Variants in CRISPLD2 observed in about 807,000 individuals in gnomAD.
CRISPLD2 encodes the protein cysteine-rich secretory protein LCCL domain-containing 2.
Under a neutral mutation model 71.1 loss-of-function variants are expected in CRISPLD2, and 47 were observed. The ratio of observed to expected loss-of-function variants is 0.66; its 90% confidence interval spans 0.52 to 0.84. The LOEUF (loss-of-function observed/expected upper bound fraction) is 0.84, where lower values mean the gene tolerates loss of function less well. Among genes scored for constraint, CRISPLD2 ranks in the 40% least tolerant of loss-of-function variants. CRISPLD2 has a pLI of 0.00. For missense variants in CRISPLD2, 830 were observed against 651.1 expected (o/e 1.27, Z -2.99); for synonymous variants, 317 against 250.1 (o/e 1.27, Z -2.52).
rs940747597 is a variant in CRISPLD2 at position 84,850,247 on chromosome 16, C to T, written c.493-321C>T. Among the ~76,000 whole-genome samples, 13 of 152,114 alleles carry T rather than the reference C, an allele frequency of 8.5e-5. No homozygotes were observed. In the South Asian group the frequency reaches 1.7e-3, roughly 19 times the overall value. On this transcript the variant is annotated intron_variant, in intron 4 of 14. Transcript: ENST00000262424. The stretch of plus-strand genomic sequence containing the variant: ...CTGGGACTATAGGTGCCTGCCACCA[C>T]GCCCGGCTAATTTTTGTTTTTTTAG...
chr16:84,825,999 C>G (rs574560978), intron 1 of CRISPLD2, among the ~76,000 whole-genome samples: 1 of 151,426 alleles, frequency 6.6e-6, no homozygotes, highest in East Asian at 1.9e-4. Context: ...CACCTGAGGA[C>G]TCATAGAAAT....
intron 14 of CRISPLD2, among the ~76,000 whole-genome samples, chr16:84,906,105 T>G (rs1208673914): frequency 1.3e-5 from 2 of 152,204 alleles, no homozygotes; most frequent in East Asian, 3.9e-4. Context: ...TGGGTAAATC[T>G]CTTTATTTCC....
At chr16:84,853,404 A>C (rs1242594504) in intron 5 of CRISPLD2, among the ~76,000 whole-genome samples, 1 of 152,156 alleles carries the variant, frequency 6.6e-6, no homozygotes, top group Non-Finnish European at 1.5e-5. Flanking sequence ...GTGGCATGGC[A>C]CGGACGCGAT....
At position 84,907,184 on chromosome 16, in the gene CRISPLD2, A is replaced by G. The variant is rs1046131145; in HGVS notation, c.*542A>G. On this transcript the variant is annotated 3_prime_UTR_variant, in exon 15 of 15. Transcript: ENST00000262424. ...TTTAATGTTTGCTGGTCAGACAGACAAATGGGCTAGAGTAAGAGGGCTGCG... is the reference window on the plus strand; with the variant it reads ...TTTAATGTTTGCTGGTCAGACAGACGAATGGGCTAGAGTAAGAGGGCTGCG... 5.9e-6 allele frequency: 1 copy of G among 170,740 alleles called. No homozygotes were observed. Among genetic ancestry groups the G allele is most frequent in the African/African-American group, 2.4e-5 (1 of 41,692 alleles). 10.6% of individuals were successfully genotyped at this position (170,740 alleles called of 1,614,324 possible).
chr16:84,898,087 A>G (rs557504510), intron 14 of CRISPLD2, among the ~76,000 whole-genome samples: 28 of 152,280 alleles, frequency 1.8e-4, no homozygotes, highest in Non-Finnish European at 2.6e-4. Context: ...TGACACTCAG[A>G]TCGTTTCCTT....
intron 14 of CRISPLD2, among the ~76,000 whole-genome samples, chr16:84,905,242 T>G (rs2934469): frequency 0.49 from 73,878 of 152,032 alleles, 18,806 homozygotes; most frequent in African/African-American, 0.64. Flanking sequence ...ACTCTGGCCT[T>G]GGTGACAGAC....
In CRISPLD2 at chr16:84,906,804, C is replaced by T. The variant is rs755355892; in HGVS notation, c.*162C>T. ...GCCTGTGGGTGAGGTGACATCTCAT[C>T]CCCTCACTGAAGCAACAGCATCCCA... On this transcript the variant is annotated 3_prime_UTR_variant, in exon 15 of 15. Coordinates refer to ENST00000262424, the MANE Select transcript of CRISPLD2 (RefSeq NM_031476.4). 2 of 816,278 alleles carry T rather than the reference C, an allele frequency of 2.5e-6. No homozygotes were observed. Among genetic ancestry groups the T allele is most frequent in the Admixed American group, 4.0e-5 (2 of 49,632 alleles). 50.6% of individuals were successfully genotyped at this position (816,278 alleles called of 1,614,324 possible).
intron 13 of CRISPLD2, among the ~76,000 whole-genome samples, chr16:84,886,947 C>G (rs774207): frequency 6.6e-6 from 1 of 152,070 alleles, no homozygotes; most frequent in Admixed American, 6.5e-5. Context: ...ATCTGAAACC[C>G]TGTACCCACT....
At chr16:84,873,373 A>T (rs549601932) in intron 10 of CRISPLD2, 9 of 276,254 alleles carry the variant, frequency 3.3e-5, no homozygotes, top group African/African-American at 2.0e-4. Flanking sequence ...AGCTACTCTC[A>T]GGAGGCTACG....
chr16:84,897,021 C>G (rs1040286726), intron 14 of CRISPLD2, among the ~76,000 whole-genome samples: 1 of 152,156 alleles, frequency 6.6e-6, no homozygotes, highest in African/African-American at 2.4e-5. Flanking sequence ...AGGTCACTTT[C>G]AAGGCAATTG....
Position 84,866,698 on chromosome 16 carries a change from G to A in CRISPLD2, c.710-199G>A, listed in dbSNP as rs774191. ...AAAGCAAACACAGTGAGCGGAGAGC[G>A]TCCCCGTCTCATCTGGGCTGGTAGA... is the stretch of plus-strand genomic sequence containing the variant. On this transcript the variant is annotated intron_variant, in intron 6 of 14. Transcript: ENST00000262424. 7.0e-3 allele frequency among the ~76,000 whole-genome samples: 1,063 copies of A among 152,264 alleles called. 14 individuals are homozygous for A. Among genetic ancestry groups the A allele is most frequent in the African/African-American group, 0.023 (971 of 41,556 alleles).
intron 13 of CRISPLD2, among the ~76,000 whole-genome samples, chr16:84,883,398 A>C (rs1156396096): frequency 6.6e-6 from 1 of 152,196 alleles, no homozygotes; most frequent in Non-Finnish European, 1.5e-5. Context: ...AGACAGAAGC[A>C]TCGGGGTGTG....
intron 7 of CRISPLD2, among the ~76,000 whole-genome samples, chr16:84,868,294 G>T (rs542198988): frequency 6.6e-6 from 1 of 152,144 alleles, no homozygotes; most frequent in Non-Finnish European, 1.5e-5. Flanking sequence ...AACATACAAC[G>T]TTTATGTCCC....
intron 1 of CRISPLD2, among the ~76,000 whole-genome samples, chr16:84,820,836 G>A (rs537830667): frequency 6.6e-6 from 1 of 152,256 alleles, no homozygotes; most frequent in East Asian, 1.9e-4. Context: ...TAACTCCTGC[G>A]TGGGGAGAGT....
rs1321038022 is a variant in CRISPLD2, at chr16:84,897,753, A to G, written c.1439+8390A>G. ...TGCCTCAGCCTCCCAAGTAGCTGGG[A>G]TTACAGGCACCCACTGCCAGGCCCG... is the stretch of plus-strand genomic sequence containing the variant. On this transcript the variant is annotated intron_variant, in intron 14 of 14. Transcript: ENST00000262424. Among the ~76,000 whole-genome samples the G allele has an allele frequency of 2.6e-5, 4 of 152,120 alleles. No homozygotes were observed. In the East Asian group the frequency reaches 7.7e-4, roughly 29 times the overall value.
intron 8 of CRISPLD2, 40 bp downstream of exon 8, chr16:84,868,951 A>G (rs549424946): frequency 6.7e-7 from 1 of 1,492,010 alleles, no homozygotes; most frequent in Non-Finnish European, 9.2e-7. Context: ...GTAGCCTCTG[A>G]GTCTGTGCTG....
chr16:84,865,414 C>T (rs1313733022), intron 6 of CRISPLD2, among the ~76,000 whole-genome samples: 1 of 152,238 alleles, frequency 6.6e-6, no homozygotes, highest in East Asian at 1.9e-4. Context: ...CCTCGGCTTC[C>T]CAAAGTGCTG....
At chr16:84,830,728 A>T (rs1916468087) in intron 1 of CRISPLD2, among the ~76,000 whole-genome samples, 1 of 151,922 alleles carries the variant, frequency 6.6e-6, no homozygotes, top group Admixed American at 6.6e-5. Context: ...AAAAAGTCAT[A>T]TTTAAAAAGA....
chr16:84,835,303 T>C (rs1222385411), intron 1 of CRISPLD2, among the ~76,000 whole-genome samples: 1 of 152,170 alleles, frequency 6.6e-6, no homozygotes, highest in African/African-American at 2.4e-5. Flanking sequence ...TTGGCCAGGC[T>C]GGTGTCGAAC....
Sources: gnomAD v4.1 joint callset for allele counts (sites outside exome capture counted in the v4.1 genomes callset) on GRCh38, gnomAD v4.1.1 for gene constraint, MANE v1.5 for transcripts, NCBI Gene and HGNC (gene_info 2026-07-23, HGNC 2026-07-21) for gene names.